RIOX2: variants seen among roughly 807,000 people sequenced by gnomAD.
The protein encoded by RIOX2 is 60S ribosomal protein L27a histidine hydroxylase.
Under a neutral mutation model 51.2 loss-of-function variants are expected in RIOX2, and 43 were observed. That is an observed-to-expected ratio of 0.84 (90% confidence interval 0.66 to 1.08). The LOEUF is 1.08. Among genes scored for constraint, RIOX2 ranks in the 50% least tolerant of loss-of-function variants. The pLI is 0.00. For missense variants in RIOX2, 566 were observed against 561.7 expected (o/e 1.01, Z -0.08); for synonymous variants, 226 against 218.5 (o/e 1.03, Z -0.30).
At chr3:97,948,430 G>A (rs1408687415) in intron 7 of RIOX2, among the ~76,000 whole-genome samples, 1 of 152,060 alleles carries the variant, frequency 6.6e-6, no homozygotes, top group Non-Finnish European at 1.5e-5. Flanking sequence ...TTGAACACAG[G>A]CAATTCCACA....
intron 3 of RIOX2, 122 bp from the exon 4 acceptor site, chr3:97,959,301 C>T: frequency 2.0e-6 from 1 of 491,826 alleles, no homozygotes; most frequent in East Asian, 4.2e-5. Flanking sequence ...CCTTGAACAA[C>T]ACAGGTTTTT....
intron 3 of RIOX2, among the ~76,000 whole-genome samples, chr3:97,961,144 A>G (rs1705657108): frequency 6.6e-6 from 1 of 152,218 alleles, no homozygotes; most frequent in African/African-American, 2.4e-5. Context: ...CATGACCCTC[A>G]TTCAAGCTGC....
Position 97,945,891 on chromosome 3 carries a change from T to C in RIOX2, c.1150-4A>G. The stretch of plus-strand genomic sequence containing the variant: ...CCATCTTTTCTTGAGCTTCATCCTT[T>C]GGGGAAAAAATAAATGCATTAGGCC... On this transcript the variant is annotated splice_polypyrimidine_tract_variant and splice_region_variant and intron_variant, in intron 8 of 9. Coordinates refer to ENST00000394198, the MANE Select transcript of RIOX2 (RefSeq NM_153182.4). 6.3e-7 allele frequency: 1 copy of C among 1,597,238 alleles called. No homozygotes were observed. Among genetic ancestry groups the C allele is most frequent in the Non-Finnish European group, 8.6e-7 (1 of 1,165,972 alleles).
chr3:97,957,680 T>C (rs973421340), intron 4 of RIOX2, among the ~76,000 whole-genome samples: 1 of 152,118 alleles, frequency 6.6e-6, no homozygotes, highest in African/African-American at 2.4e-5. Context: ...AAGGCCACTA[T>C]GAAGCCTGAC....
intron 9 of RIOX2, 57 bp from the exon 10 acceptor site, chr3:97,945,399 A>G: frequency 4.8e-6 from 7 of 1,455,374 alleles, no homozygotes; most frequent in Non-Finnish European, 6.5e-6. Context: ...TCATTGAAGT[A>G]GCATTTTCCT....
intron 4 of RIOX2, 68 bp downstream of exon 4, chr3:97,958,983 C>T (rs910760681): frequency 4.0e-6 from 6 of 1,492,772 alleles, no homozygotes; most frequent in Non-Finnish European, 5.4e-6. Flanking sequence ...TGAGCCTGAA[C>T]TTGTCTTAGC....
intron 8 of RIOX2, among the ~76,000 whole-genome samples, chr3:97,946,588 A>G (rs1023382946): frequency 8.2e-6 from 1 of 121,800 alleles, no homozygotes; most frequent in African/African-American, 3.3e-5. Flanking sequence ...TTGAGGATGT[A>G]TATATATATA....
chr3:97,957,025 T>A (rs1705475357), intron 4 of RIOX2, among the ~76,000 whole-genome samples: 1 of 151,764 alleles, frequency 6.6e-6, no homozygotes, highest in Non-Finnish European at 1.5e-5. Context: ...ATCCTGGGAG[T>A]CTGGGTCTGC....
intron 8 of RIOX2, 139 bp downstream of exon 8, chr3:97,947,222 G>T: frequency 1.5e-6 from 1 of 672,848 alleles, no homozygotes; most frequent in South Asian, 1.9e-5. Context: ...GTCATCATCT[G>T]ACCTGAAGAA....
intron 4 of RIOX2, among the ~76,000 whole-genome samples, chr3:97,957,263 C>T (rs892478515): frequency 6.6e-6 from 1 of 152,112 alleles, no homozygotes; most frequent in African/African-American, 2.4e-5. Context: ...CTTTGGGAGG[C>T]CGAGGCAGGT....
chr3:97,947,308 C>G (rs1229088563), intron 8 of RIOX2, 53 bp downstream of exon 8: 2 of 1,429,334 alleles, frequency 1.4e-6, no homozygotes, highest in Non-Finnish European at 2.0e-6. Flanking sequence ...CCTGAGGCCT[C>G]TGATGAAAAA....
At chr3:97,956,355 A>G (rs1272298339) in intron 4 of RIOX2, among the ~76,000 whole-genome samples, 2 of 152,204 alleles carry the variant, frequency 1.3e-5, no homozygotes, top group Admixed American at 6.5e-5. Context: ...CAGTACAGCA[A>G]CCCTAGAGAG....
At chr3:97,950,170 A>G (rs950543960) in intron 6 of RIOX2, 155 bp from the exon 7 acceptor site, 11 of 699,056 alleles carry the variant, frequency 1.6e-5, no homozygotes, top group Non-Finnish European at 2.1e-5. Flanking sequence ...CCTAAGAATG[A>G]TATCTCATCA....
chr3:97,945,771 A>G (rs1468746228), intron 9 of RIOX2, 27 bp downstream of exon 9: 12 of 1,509,266 alleles, frequency 8.0e-6, no homozygotes, highest in South Asian at 2.3e-5. Flanking sequence ...GTCACAGGAT[A>G]GGCATTTGTT....
At chr3:97,945,955 G>GT in intron 8 of RIOX2, 68 bp from the exon 9 acceptor site, 1 of 1,149,358 alleles carries the variant, frequency 8.7e-7, no homozygotes, top group Non-Finnish European at 1.3e-6. Context: ...TACTAGGAAG[G>GT]TTTTCCAATA....
intron 5 of RIOX2, among the ~76,000 whole-genome samples, chr3:97,951,756 G>A (rs1306648065): frequency 2.6e-5 from 4 of 152,164 alleles, no homozygotes; most frequent in Admixed American, 1.3e-4. Flanking sequence ...AAGTTGCAAA[G>A]GAGGACAAAA....
In RIOX2 at chr3:97,952,137, G is replaced by A. The variant is rs139101382; in HGVS notation, c.786-1249C>T. 1.4e-3 allele frequency: 1,832 copies of A among 1,264,636 alleles called. 28 individuals carry two copies. In the African/African-American group the frequency reaches 0.024, roughly 16 times the overall value. 78.3% of individuals were successfully genotyped at this position (1,264,636 alleles called of 1,614,324 possible). A position where few individuals can be genotyped will look rare whatever the true frequency, so the allele number is the denominator to read the frequency against. On this transcript the variant is annotated intron_variant, in intron 5 of 9. Coordinates refer to ENST00000394198, the MANE Select transcript of RIOX2 (RefSeq NM_153182.4). ...CTACCTTGACAGGTGTTAGGAAGAGGCCCCAAATATTCACCTTTACATGGT... is the reference window on the plus strand; with the variant it reads ...CTACCTTGACAGGTGTTAGGAAGAGACCCCAAATATTCACCTTTACATGGT...
intron 4 of RIOX2, among the ~76,000 whole-genome samples, chr3:97,957,109 C>T (rs1705478408): frequency 6.6e-6 from 1 of 152,216 alleles, no homozygotes; most frequent in South Asian, 2.1e-4. Flanking sequence ...CACTGTCACC[C>T]TCCCATGCCC....
rs1174330917 is a variant in RIOX2 at position 97,967,260 on chromosome 3, C to T, written c.334G>A (p.Val112Ile). 2.5e-6 allele frequency: 4 copies of T among 1,614,144 alleles called. No individual in the cohort carries two copies. Among genetic ancestry groups the T allele is most frequent in the South Asian group, 2.2e-5 (2 of 91,074 alleles). The stretch of plus-strand genomic sequence containing the variant: ...TGTGCTTTGCCATCTTTATTTAAAA[C>T]CTTCTTCTTCCCATTGACACACCGG... Reference protein sequence around the residue: ...VCRCVNGKKKVLNKDGKAHFL... With the variant: ...VCRCVNGKKKILNKDGKAHFL... Residue 112 changes from valine (V) to isoleucine (I), a missense_variant, in exon 2 of 10, where the codon GTT (valine) becomes ATT (isoleucine). Transcript: ENST00000394198.
Sources: allele counts gnomAD v4.1 joint callset (sites outside exome capture counted in the v4.1 genomes callset), GRCh38; gene constraint gnomAD v4.1.1; transcripts MANE v1.5; gene names NCBI Gene and HGNC (gene_info 2026-07-23, HGNC 2026-07-21).